MYH4: variants seen among roughly 807,000 people sequenced by gnomAD.
The protein encoded by MYH4 is myosin heavy chain 4.
In MYH4, 200 loss-of-function variants were observed where a neutral mutation model predicts 229.9. That is an observed-to-expected ratio of 0.87 (90% CI 0.78 to 0.98). The LOEUF (loss-of-function observed/expected upper bound fraction) is 0.98, where lower values mean the gene tolerates loss of function less well. MYH4 is among the 50% of genes least tolerant of loss of function. The pLI is 0.00. For missense variants in MYH4, 2,148 were observed against 2,332.6 expected (o/e 0.92, Z 1.63); for synonymous variants, 761 against 834.6 (o/e 0.91, Z 1.52).
rs895969444 is a variant in MYH4 at position 10,447,737 on chromosome 17, T to C, written c.4965+81A>G. 5.9e-5 allele frequency: 79 copies of C among 1,336,174 alleles called. 1 individual carries two copies. The highest frequency in any genetic ancestry group is 1.0e-5 in the Non-Finnish European group (10 of 972,366). 82.8% of individuals were successfully genotyped at this position (1,336,174 alleles called of 1,614,324 possible). On this transcript the variant is annotated intron_variant, in intron 34 of 39. Coordinates refer to ENST00000255381, the MANE Select transcript of MYH4 (RefSeq NM_017533.2). ...TGTTGCTTAGGTGATTTATGACACATAGTCCTCGTAAAACATTAAAATTTG... is the reference window on the plus strand; with the variant it reads ...TGTTGCTTAGGTGATTTATGACACACAGTCCTCGTAAAACATTAAAATTTG...
In MYH4 at chr17:10,457,640, A is replaced by G. The variant is rs746875138; in HGVS notation, c.1677T>C (p.His559=). 1.9e-6 allele frequency: 3 copies of G among 1,614,206 alleles called. No individual in the cohort carries two copies. The highest frequency in any genetic ancestry group is 2.5e-6 in the Non-Finnish European group (3 of 1,180,034). The change falls in exon 16 of 40, where the codon CAT becomes CAC. Residue 559 remains histidine, a synonymous_variant. Transcript: ENST00000255381. ...TCTGGAAGTTGTTGGATTTTCCAAG[A>G]TGTTGTTCATACAGCTTGTTCTTGA... is the stretch of plus-strand genomic sequence containing the variant. ...TSFKNKLYEQ[H]LGKSNNFQKP...
In MYH4 at chr17:10,461,028, A is replaced by C; in HGVS notation, c.1035T>G (p.Thr345=). Reference sequence around the variant, plus strand: ...TGTAAATGGCCACCTTTTCATCAGCAGTGAAACCCAGGATGTCCACAGCAC... The same window carrying C: ...TGTAAATGGCCACCTTTTCATCAGCCGTGAAACCCAGGATGTCCACAGCAC... The part of the protein sequence containing the change: ...TDSAVDILGF[T]ADEKVAIYKL... Residue 345 remains threonine (T), a synonymous_variant, in exon 12 of 40, where the codon ACT becomes ACG. Coordinates refer to ENST00000255381, the MANE Select transcript of MYH4 (RefSeq NM_017533.2). The C allele has an allele frequency of 6.2e-7, 1 of 1,614,098 alleles. No homozygotes were observed. The highest frequency in any genetic ancestry group is 1.3e-5 in the African/African-American group (1 of 75,032).
intron 11 of MYH4, among the ~76,000 whole-genome samples, chr17:10,461,746 C>T (rs2072705932): frequency 6.6e-6 from 1 of 152,192 alleles, no homozygotes; most frequent in South Asian, 2.1e-4. Context: ...TTTTCTCTAT[C>T]GAATTTTGAT....
chr17:10,461,380 C>T (rs151158273), intron 11 of MYH4, among the ~76,000 whole-genome samples: 2 of 152,118 alleles, frequency 1.3e-5, no homozygotes, highest in South Asian at 2.1e-4. Flanking sequence ...CCCCAGCCCC[C>T]CTTTGCTTCT....
intron 8 of MYH4, 23 bp from the exon 9 acceptor site, chr17:10,463,424 T>C (rs1483400077): frequency 6.2e-7 from 1 of 1,602,184 alleles, no homozygotes; most frequent in East Asian, 2.2e-5. Context: ...AAGGAGGGAT[T>C]ATTATACACA....
intron 7 of MYH4, 142 bp downstream of exon 7, chr17:10,464,330 A>C: frequency 1.3e-6 from 1 of 761,312 alleles, no homozygotes. Flanking sequence ...GCTGCAAAAA[A>C]TATGATTTTG....
chr17:10,461,785 G>A (rs1285641544), intron 11 of MYH4, among the ~76,000 whole-genome samples: 1 of 152,156 alleles, frequency 6.6e-6, no homozygotes, highest in Admixed American at 6.5e-5. Flanking sequence ...CATAGGCTTT[G>A]AAAAGGCTTA....
chr17:10,457,826 A>G, intron 15 of MYH4, 97 bp from the exon 16 acceptor site: 3 of 1,435,770 alleles, frequency 2.1e-6, no homozygotes, highest in Non-Finnish European at 2.8e-6. Context: ...TTTCAAAAGA[A>G]GACTTTGAAT....
chr17:10,447,821 C>T lies in MYH4; in HGVS notation c.4962G>A (p.Leu1654=). 1.9e-6 allele frequency: 3 copies of T among 1,607,672 alleles called. No homozygotes were observed. Among genetic ancestry groups the T allele is most frequent in the Non-Finnish European group, 2.5e-6 (3 of 1,176,652 alleles). The change falls in exon 34 of 40, where the codon CTG becomes CTA. Residue 1654 remains leucine (L), a synonymous_variant. Coordinates refer to ENST00000255381, the MANE Select transcript of MYH4 (RefSeq NM_017533.2). ...ATGTGTATTTACCCCAGCATACCTT[C>T]AGTATTCCTTGTGTGTTTCTAAGAT... The part of the protein sequence containing the change: ...LRNLRNTQGI[L]KDTQLHLDDA...
Position 10,464,549 on chromosome 17 carries a change from G to C in MYH4, c.571C>G (p.Arg191Gly), listed in dbSNP as rs145268566. ...ATTGTTGCAAAGTACTGGATGACAC[G>C]CTTCGTGTTCACAGTCTTCCCTGCA... ...SGAGKTVNTK[R>G]VIQYFATIAV... The change falls in exon 7 of 40, where the codon CGT becomes GGT. Residue 191 changes from arginine to glycine, a missense_variant. Physicochemically the swap from Arg to Gly is moderately radical, Grantham distance 125 (BLOSUM62 -2). Coordinates refer to ENST00000255381, the MANE Select transcript of MYH4 (RefSeq NM_017533.2). The C allele has an allele frequency of 1.2e-6, 2 of 1,613,902 alleles. No individual in the cohort carries two copies. The highest frequency in any genetic ancestry group is 8.5e-7 in the Non-Finnish European group (1 of 1,180,022).
Position 10,448,493 on chromosome 17 carries a change from A to C in MYH4, c.4559T>G (p.Ile1520Ser). The change falls in exon 33 of 40, where the codon ATT (isoleucine) becomes AGT (serine). Residue 1520 changes from isoleucine to serine, a missense_variant. Transcript: ENST00000255381. The stretch of plus-strand genomic sequence containing the variant: ...ATGGATATGCTTTCCACCCTCTGCA[A>C]TTTGCTCTGTCAGGTCAGAAATCTC... ...QQEISDLTEQ[I>S]AEGGKHIHEL... is the part of the protein sequence containing the mutation. 1 of 1,613,926 alleles carries C rather than the reference A, an allele frequency of 6.2e-7. No homozygotes were observed. The highest frequency in any genetic ancestry group is 8.5e-7 in the Non-Finnish European group (1 of 1,179,948).
chr17:10,459,952 A>G lies in MYH4; in HGVS notation c.1416T>C (p.Asp472=), dbSNP rs761747708. ...AATTTTCTGTCAGTTCACTACTCACATCAAAGATCTCAAAGCCAGCAATGT... is the reference window on the plus strand; with the variant it reads ...AATTTTCTGTCAGTTCACTACTCACGTCAAAGATCTCAAAGCCAGCAATGT... The part of the protein sequence containing the change: ...VLDIAGFEIF[D]FNSLEQLCIN... Residue 472 remains aspartate, a splice_region_variant and synonymous_variant, in exon 14 of 40, where the codon GAT becomes GAC. Transcript: ENST00000255381. 8.1e-6 allele frequency: 13 copies of G among 1,614,026 alleles called. No homozygotes were observed. The highest frequency in any genetic ancestry group is 1.7e-6 in the Non-Finnish European group (2 of 1,179,926).
At position 10,448,496 on chromosome 17, in the gene MYH4, T is replaced by C. The variant is rs2072537393; in HGVS notation, c.4556A>G (p.Gln1519Arg). The C allele has an allele frequency of 6.2e-7, 1 of 1,613,788 alleles. No homozygotes were observed. The change falls in exon 33 of 40, where the codon CAA becomes CGA. Residue 1519 changes from glutamine (Q) to arginine (R), a missense_variant. Coordinates refer to ENST00000255381, the MANE Select transcript of MYH4 (RefSeq NM_017533.2). ...LQQEISDLTE[Q>R]IAEGGKHIHE... ...GATATGCTTTCCACCCTCTGCAATT[T>C]GCTCTGTCAGGTCAGAAATCTCCTC...
In MYH4 at chr17:10,466,394, T is replaced by C. The variant is rs778250029; in HGVS notation, c.227A>G (p.Gln76Arg). 1 of 1,614,158 alleles carries C rather than the reference T, an allele frequency of 6.2e-7. No individual in the cohort carries two copies. The highest frequency in any genetic ancestry group is 1.1e-5 in the South Asian group (1 of 91,080). ...AGATVTVKED[Q>R]VFSMNPPKYD... Reference sequence around the variant, plus strand: ...TTTGGGAGGGTTCATGGAGAAGACTTGGTCTTCTTTCACAGTTACAGTCTG... The same window carrying C: ...TTTGGGAGGGTTCATGGAGAAGACTCGGTCTTCTTTCACAGTTACAGTCTG... Residue 76 changes from glutamine to arginine, a missense_variant, in exon 4 of 40, where the codon CAA (glutamine) becomes CGA (arginine). Physicochemically the swap from Gln to Arg is conservative, Grantham distance 43. Transcript: ENST00000255381.
chr17:10,466,186 C>T, intron 4 of MYH4, 87 bp downstream of exon 4: 1 of 1,472,144 alleles, frequency 6.8e-7, no homozygotes. Context: ...AGTTCAATAG[C>T]CAAATGTATT....
intron 1 of MYH4, 39 bp downstream of exon 1, chr17:10,469,498 C>A (rs1264074611): frequency 6.6e-6 from 1 of 152,100 alleles, no homozygotes; most frequent in Non-Finnish European, 1.5e-5. Context: ...TCATCATCAT[C>A]AGGAATGTAA....
At chr17:10,453,499 C>G (rs3744557) in intron 23 of MYH4, 144 bp downstream of exon 23, 678,132 of 1,540,666 alleles carry the variant, frequency 0.44, 156,771 homozygotes, top group East Asian at 0.84. Flanking sequence ...CAAGTAAGTA[C>G]ATTGAGGTGG....
rs898458549 is a variant in MYH4 at position 10,455,422 on chromosome 17, C to G, written c.2175-127G>C. 23 of 1,302,864 alleles carry G rather than the reference C, an allele frequency of 1.8e-5. No individual in the cohort carries two copies. In the Admixed American group the frequency reaches 5.9e-4, roughly 34 times the overall value. 80.7% of individuals were successfully genotyped at this position (1,302,864 alleles called of 1,614,324 possible). On this transcript the variant is annotated intron_variant, in intron 19 of 39. Coordinates refer to ENST00000255381, the MANE Select transcript of MYH4 (RefSeq NM_017533.2). ...GTGAACAAAATGCCATTTAAAAAGT[C>G]AGTGCTTTATTTAAAACTTCGGAAG...
At chr17:10,451,634 C>T (rs1276263460) in intron 27 of MYH4, among the ~76,000 whole-genome samples, 182 bp from the exon 28 acceptor site, 2 of 152,124 alleles carry the variant, frequency 1.3e-5, no homozygotes, top group African/African-American at 4.8e-5. Flanking sequence ...ACATGATTAT[C>T]AAAATTATAT....
Sources: gnomAD v4.1 joint callset for allele counts (sites outside exome capture counted in the v4.1 genomes callset) on GRCh38, gnomAD v4.1.1 for gene constraint, MANE v1.5 for transcripts, NCBI Gene and HGNC (gene_info 2026-07-23, HGNC 2026-07-21) for gene names.